Variants in INSC observed in about 807,000 individuals in gnomAD.
INSC encodes the protein protein inscuteable homolog.
Under a neutral mutation model 58.6 loss-of-function variants are expected in INSC, and 67 were observed. The observed-to-expected ratio is 1.14, with a 90% CI of 0.94 to 1.40. INSC has a LOEUF of 1.40. Ranked by LOEUF, INSC falls within the 40% of genes most tolerant of loss-of-function variation. The probability of loss-of-function intolerance (pLI) is 0.00; values close to 1 mark genes in which losing one functional copy is unlikely to be tolerated. For missense variants in INSC, 714 were observed against 692.0 expected (o/e 1.03, Z -0.36); for synonymous variants, 262 against 276.1 (o/e 0.95, Z 0.51).
chr11:15,236,986 C>T (rs146670989), intron 10 of INSC, among the ~76,000 whole-genome samples: 3 of 152,274 alleles, frequency 2.0e-5, no homozygotes, highest in East Asian at 3.9e-4. Context: ...CTTATAGAGC[C>T]TTACGTTGAA....
chr11:15,149,203 T>C lies in INSC; in HGVS notation c.29T>C (p.Leu10Pro), dbSNP rs1413104776. Residue 10 changes from leucine to proline, a missense_variant, in exon 2 of 13, where the codon CTG becomes CCG. By Grantham distance (98) the Leu-to-Pro change is moderately conservative (BLOSUM62 -3). Coordinates refer to ENST00000379556, the MANE Select transcript of INSC (RefSeq NM_001042536.3). MMALPGGRH[L>P]DSVTLPGQRL... Reference sequence around the variant, plus strand: ...ATGGCACTGCCTGGAGGTCGCCACCTGGACTCCGTCACCCTGCCGGGTCAG... The same window carrying C: ...ATGGCACTGCCTGGAGGTCGCCACCCGGACTCCGTCACCCTGCCGGGTCAG... The C allele has an allele frequency of 1.9e-6, 3 of 1,609,798 alleles. No homozygotes were observed. The highest frequency in any genetic ancestry group is 8.5e-7 in the Non-Finnish European group (1 of 1,178,228).
chr11:15,191,920 A>G (rs1173878993), intron 6 of INSC, among the ~76,000 whole-genome samples: 2 of 152,212 alleles, frequency 1.3e-5, no homozygotes, highest in Non-Finnish European at 2.9e-5. Context: ...AGCAGGCATC[A>G]AGACAAGATG....
the INSC span, among the ~76,000 whole-genome samples, chr11:15,253,262 G>A: frequency 9.0e-4 from 137 of 152,294 alleles, 1 homozygote; most frequent in Middle Eastern, 0.01. Context: ...AGCAGAAAGT[G>A]TGTAAGTCTA....
chr11:15,248,922 C>A (rs1388897385), downstream of INSC, among the ~76,000 whole-genome samples: 1 of 152,102 alleles, frequency 6.6e-6, no homozygotes, highest in East Asian at 1.9e-4. Context: ...CCAAGGTAAG[C>A]CCTTACCATC....
At chr11:15,117,600 T>A (rs951822040) in intron 1 of INSC, among the ~76,000 whole-genome samples, 5 of 152,218 alleles carry the variant, frequency 3.3e-5, no homozygotes, top group Non-Finnish European at 7.3e-5. Context: ...ATCAACTTTA[T>A]AGAATACATA....
At chr11:15,113,145 C>CTTTCTTTCTTTCTTTCTTTCTT (rs200716197), upstream of INSC, among the ~76,000 whole-genome samples, 132 of 133,588 alleles carry the variant, frequency 9.9e-4, 2 homozygotes, top group Non-Finnish European at 1.5e-3. Flanking sequence ...TTCTTTCTTT[C>CTTTCTTTCTTTCTTTCTTTCTT]TGTCTCTCTC....
intron 2 of INSC, among the ~76,000 whole-genome samples, chr11:15,157,945 G>C (rs1041988500): frequency 6.6e-6 from 1 of 152,134 alleles, no homozygotes; most frequent in Admixed American, 6.5e-5. Context: ...AATGAAAACA[G>C]TTCCTCCCTG....
At chr11:15,143,029 G>T (rs942337317) in intron 1 of INSC, among the ~76,000 whole-genome samples, 7 of 152,044 alleles carry the variant, frequency 4.6e-5, no homozygotes, top group African/African-American at 1.4e-4. Flanking sequence ...TATCTGTGAG[G>T]AAGCTGAGCT....
At chr11:15,255,940 G>A in the INSC span, among the ~76,000 whole-genome samples, 1 of 152,140 alleles carries the variant, frequency 6.6e-6, no homozygotes, top group Non-Finnish European at 1.5e-5. Context: ...GGTTAACATG[G>A]CATTCTCTTG....
intron 5 of INSC, chr11:15,188,258 A>G (rs1224180231): frequency 1.0e-6 from 1 of 985,106 alleles, no homozygotes; most frequent in African/African-American, 1.7e-5. Flanking sequence ...ATGGAGACCC[A>G]CTCTCCTATT....
Position 15,190,717 on chromosome 11 carries a change from T to G in INSC, c.596T>G (p.Ile199Ser). The G allele has an allele frequency of 6.2e-7, 1 of 1,612,846 alleles. No homozygotes were observed. ...TREVQALVRKIDASDNIYTTE... is the reference protein window; with the variant it reads ...TREVQALVRKSDASDNIYTTE... ...TCTTCTTAGGCACTGGTGAGAAAAA[T>G]TGATGCCTCAGACAATATCTACACC... Residue 199 changes from isoleucine (I) to serine (S), a missense_variant, in exon 6 of 13, where the codon ATT becomes AGT. By Grantham distance (142) the Ile-to-Ser change is moderately radical. Coordinates refer to ENST00000379556, the MANE Select transcript of INSC (RefSeq NM_001042536.3).
the INSC span, among the ~76,000 whole-genome samples, chr11:15,269,502 C>A: frequency 6.6e-6 from 1 of 151,688 alleles, no homozygotes. Flanking sequence ...TTTATCCATC[C>A]ATGGCTGACT....
intron 1 of INSC, among the ~76,000 whole-genome samples, chr11:15,118,253 G>A (rs1847783495): frequency 6.6e-6 from 1 of 152,192 alleles, no homozygotes; most frequent in African/African-American, 2.4e-5. Flanking sequence ...GGAATCATTT[G>A]TCACCTCTTA....
At chr11:15,219,016 A>AGGG (rs1851333415) in intron 7 of INSC, among the ~76,000 whole-genome samples, 1 of 152,202 alleles carries the variant, frequency 6.6e-6, no homozygotes, top group African/African-American at 2.4e-5. Context: ...CCAGGCTTGC[A>AGGG]GAGATGGCAG....
intron 11 of INSC, among the ~76,000 whole-genome samples, chr11:15,239,875 G>C (rs1272434702): frequency 6.6e-6 from 1 of 152,150 alleles, no homozygotes; most frequent in East Asian, 1.9e-4. Context: ...CATGAGAAAA[G>C]GCATGGCAGT....
intron 3 of INSC, among the ~76,000 whole-genome samples, chr11:15,176,811 C>G (rs1220210992): frequency 6.6e-6 from 1 of 152,192 alleles, no homozygotes; most frequent in Non-Finnish European, 1.5e-5. Context: ...CCTTCCTTAG[C>G]TTTGCAGACA....
At chr11:15,245,377 CAAAAT>C (rs1308259145) in intron 12 of INSC, among the ~76,000 whole-genome samples, 6 of 152,138 alleles carry the variant, frequency 3.9e-5, no homozygotes, top group African/African-American at 7.2e-5. Context: ...CACATGGACA[CAAAAT>C]AGAAATAGCA....
the INSC span, among the ~76,000 whole-genome samples, chr11:15,263,488 A>G: frequency 6.6e-6 from 1 of 152,202 alleles, no homozygotes; most frequent in Non-Finnish European, 1.5e-5. Flanking sequence ...GAGGAAAAAA[A>G]CCAGATTACT....
chr11:15,144,305 C>T (rs1234436675), intron 1 of INSC, among the ~76,000 whole-genome samples: 2 of 152,158 alleles, frequency 1.3e-5, no homozygotes, highest in Non-Finnish European at 2.9e-5. Flanking sequence ...ATTTTTGCCC[C>T]ATTTTACTGA....
Sources: allele counts gnomAD v4.1 joint callset (sites outside exome capture counted in the v4.1 genomes callset), GRCh38; gene constraint gnomAD v4.1.1; transcripts MANE v1.5; gene names NCBI Gene and HGNC (gene_info 2026-07-23, HGNC 2026-07-21).